CA10: variants seen among roughly 807,000 people sequenced by gnomAD.
CA10 encodes carbonic anhydrase 10 (inactive), also known as carbonic anhydrase-related protein 10.
Under a neutral mutation model 44.2 loss-of-function variants are expected in CA10, and 14 were observed. The observed-to-expected ratio is 0.32, with a 90% confidence interval of 0.21 to 0.50. The LOEUF (loss-of-function observed/expected upper bound fraction) is 0.50. Ranked by LOEUF, CA10 falls within the 20% of genes least tolerant of loss-of-function variation. The pLI is 0.99. For missense variants in CA10, 350 were observed against 409.7 expected (o/e 0.85, Z 1.26); for synonymous variants, 159 against 141.6 (o/e 1.12, Z -0.87).
At chr17:51,675,231 C>G (rs1914578530) in intron 4 of CA10, among the ~76,000 whole-genome samples, 1 of 152,090 alleles carries the variant, frequency 6.6e-6, no homozygotes, top group South Asian at 2.1e-4. Flanking sequence ...TCTGTATGGC[C>G]TGAGCAATGT....
chr17:51,982,475 C>T (rs1047667194), intron 2 of CA10, among the ~76,000 whole-genome samples: 1 of 151,928 alleles, frequency 6.6e-6, no homozygotes, highest in African/African-American at 2.4e-5. Flanking sequence ...TGCCCTGACT[C>T]ATTCCAACCT....
At chr17:51,821,840 C>T (rs901411417) in intron 3 of CA10, among the ~76,000 whole-genome samples, 35 of 152,226 alleles carry the variant, frequency 2.3e-4, no homozygotes, top group African/African-American at 7.0e-4. Flanking sequence ...GTTTGACTCC[C>T]GATTCTGTTA....
chr17:52,156,781 T>C (rs1989812462), intron 1 of CA10, among the ~76,000 whole-genome samples: 1 of 152,184 alleles, frequency 6.6e-6, no homozygotes, highest in Admixed American at 6.5e-5. Context: ...ACAAATGGGC[T>C]TTTCCTTGGG....
At chr17:51,698,712 C>A (rs376478020) in intron 4 of CA10, among the ~76,000 whole-genome samples, 5 of 152,216 alleles carry the variant, frequency 3.3e-5, no homozygotes, top group African/African-American at 1.2e-4. Flanking sequence ...CAGATCTCCT[C>A]ATTTGCCTCT....
At chr17:51,942,378 A>G (rs1188838175) in intron 2 of CA10, among the ~76,000 whole-genome samples, 2 of 151,996 alleles carry the variant, frequency 1.3e-5, no homozygotes, top group African/African-American at 4.8e-5. Flanking sequence ...ACTAGGATTC[A>G]TTGTCCAATA....
intron 3 of CA10, among the ~76,000 whole-genome samples, chr17:51,871,751 A>G (rs1419203196): frequency 2.6e-5 from 4 of 151,754 alleles, no homozygotes; most frequent in African/African-American, 9.7e-5. Context: ...TACTTGCTAT[A>G]TAAGCAATGT....
At chr17:51,876,059 A>G (rs187978475) in intron 3 of CA10, among the ~76,000 whole-genome samples, 2 of 152,246 alleles carry the variant, frequency 1.3e-5, no homozygotes, top group East Asian at 3.9e-4. Flanking sequence ...TAACTATGGA[A>G]AGACATGAGA....
intron 2 of CA10, among the ~76,000 whole-genome samples, chr17:51,960,054 G>T (rs1983828998): frequency 6.6e-6 from 1 of 151,728 alleles, no homozygotes; most frequent in Admixed American, 6.6e-5. Flanking sequence ...TTTTAAAATG[G>T]ATGGAAAGAA....
chr17:52,098,147 G>A (rs1476435608), intron 1 of CA10, among the ~76,000 whole-genome samples: 1 of 152,146 alleles, frequency 6.6e-6, no homozygotes, highest in Admixed American at 6.5e-5. Flanking sequence ...TTTCACTTGT[G>A]TCCTGGTTAC....
chr17:51,814,172 GAAGT>G (rs1235872250), intron 3 of CA10, among the ~76,000 whole-genome samples: 1 of 152,270 alleles, frequency 6.6e-6, no homozygotes, highest in East Asian at 1.9e-4. Context: ...ACTCAACATT[GAAGT>G]AAGGTGGGCA....
At chr17:51,878,893 G>GGTGT (rs375444434) in intron 3 of CA10, among the ~76,000 whole-genome samples, 2,246 of 52,348 alleles carry the variant, frequency 0.043, 403 homozygotes, top group Middle Eastern at 0.14. Context: ...TATATATATG[G>GGTGT]GTGTGTGTGT....
intron 2 of CA10, among the ~76,000 whole-genome samples, chr17:52,017,378 G>C (rs1320568275): frequency 6.6e-6 from 1 of 152,120 alleles, no homozygotes; most frequent in Non-Finnish European, 1.5e-5. Context: ...GTGAAGGCCA[G>C]GCTAATTAAG....
At chr17:51,820,416 C>CAG (rs1491263200) in intron 3 of CA10, among the ~76,000 whole-genome samples, 6 of 92,936 alleles carry the variant, frequency 6.5e-5, no homozygotes, top group Non-Finnish European at 1.1e-4. Flanking sequence ...CCCCCCCCCC[C>CAG]CCGCCCGCCG....
intron 4 of CA10, among the ~76,000 whole-genome samples, chr17:51,689,501 G>A (rs960997143): frequency 1.6e-4 from 24 of 152,332 alleles, no homozygotes; most frequent in African/African-American, 4.3e-4. Context: ...TGAATGATCC[G>A]TGTGTACTTA....
intron 3 of CA10, among the ~76,000 whole-genome samples, chr17:51,758,497 T>C (rs1311412116): frequency 6.6e-6 from 1 of 152,192 alleles, no homozygotes; most frequent in Non-Finnish European, 1.5e-5. Context: ...CATGGGCTCA[T>C]GGCTGGCATT....
chr17:52,063,153 C>T (rs959237138), intron 2 of CA10, among the ~76,000 whole-genome samples: 10 of 152,194 alleles, frequency 6.6e-5, no homozygotes, highest in African/African-American at 2.4e-4. Context: ...TTACCCCTTT[C>T]TTTTGGCCAA....
At chr17:52,140,301 T>G (rs1989449717) in intron 1 of CA10, among the ~76,000 whole-genome samples, 1 of 152,168 alleles carries the variant, frequency 6.6e-6, no homozygotes, top group South Asian at 2.1e-4. Flanking sequence ...TTAGCAAACA[T>G]TTTTCTGGGA....
chr17:51,970,654 T>C (rs1419023507), intron 2 of CA10, among the ~76,000 whole-genome samples: 1 of 152,136 alleles, frequency 6.6e-6, no homozygotes, highest in Non-Finnish European at 1.5e-5. Context: ...TTAATCCTTT[T>C]GTGATCTAAT....
intron 3 of CA10, among the ~76,000 whole-genome samples, chr17:51,859,945 A>C (rs1451553917): frequency 6.6e-6 from 1 of 152,144 alleles, no homozygotes; most frequent in Admixed American, 6.5e-5. Context: ...AGATTGGATA[A>C]GGATAAGGTA....
Sources: gnomAD v4.1 joint callset for allele counts (sites outside exome capture counted in the v4.1 genomes callset) on GRCh38, gnomAD v4.1.1 for gene constraint, MANE v1.5 for transcripts, NCBI Gene and HGNC (gene_info 2026-07-23, HGNC 2026-07-21) for gene names.